RARS1: variants seen among roughly 807,000 people sequenced by gnomAD.
The protein encoded by RARS1 is arginyl-tRNA synthetase 1.
A neutral mutation model predicts 78.7 loss-of-function variants in RARS1; 75 were observed. The observed-to-expected ratio is 0.95, with a 90% CI of 0.79 to 1.15. The LOEUF (loss-of-function observed/expected upper bound fraction) is 1.15. Among genes scored for constraint, RARS1 ranks in the 50% most tolerant of loss-of-function variants. RARS1 has a pLI of 0.00. For missense variants in RARS1, 787 were observed against 787.5 expected (o/e 1.00, Z 0.01); for synonymous variants, 273 against 268.2 (o/e 1.02, Z -0.18).
rs751626841 is a variant in RARS1, at chr5:168,516,861, G to T, written c.1536G>T (p.Arg512=). The T allele has an allele frequency of 2.2e-5, 35 of 1,614,110 alleles. No individual in the cohort carries two copies. In the Admixed American group the frequency reaches 5.2e-4, roughly 24 times the overall value. ...CIKYADLSHN[R]LNDYIFSFDK... is the part of the protein sequence containing the mutation. ...AATATGCTGACCTTTCCCATAACCG[G>T]TTGAATGACTACATCTTCTCCTTTG... is the stretch of plus-strand genomic sequence containing the variant. The change falls in exon 13 of 15, where the codon CGG becomes CGT. Residue 512 remains arginine (R), a synonymous_variant. Coordinates refer to ENST00000231572, the MANE Select transcript of RARS1 (RefSeq NM_002887.4).
chr5:168,488,750 G>C lies in RARS1; in HGVS notation c.180+14G>C. 13 of 1,580,508 alleles carry C rather than the reference G, an allele frequency of 8.2e-6. No homozygotes were observed. The highest frequency in any genetic ancestry group is 1.1e-5 in the Non-Finnish European group (13 of 1,167,370). ...ATTCTTCGAAAGGTGAGTACTTTGG[G>C]TTCCAGTTTTATTCTCCAGTTTGAA... On this transcript the variant is annotated intron_variant, in intron 2 of 14. Transcript: ENST00000231572.
intron 11 of RARS1, among the ~76,000 whole-genome samples, chr5:168,508,400 A>T (rs1249201062): frequency 6.6e-6 from 1 of 151,122 alleles, no homozygotes; most frequent in Non-Finnish European, 1.5e-5. Context: ...AGGCAGGTGG[A>T]TCACGAGGTG....
At position 168,517,900 on chromosome 5, in the gene RARS1, G is replaced by C. The variant is rs2113043040; in HGVS notation, c.1711G>C (p.Glu571Gln). Residue 571 changes from glutamate (E) to glutamine (Q), a missense_variant, in exon 14 of 15, where the codon GAA becomes CAA. Coordinates refer to ENST00000231572, the MANE Select transcript of RARS1 (RefSeq NM_002887.4). ...ETKILLDHEKEWKLGRCILRF... is the reference protein window; with the variant it reads ...ETKILLDHEKQWKLGRCILRF... ...CAAGATTCTTTTGGATCATGAGAAG[G>C]AATGGAAACTAGGCCGGTGCATTTT... 6.2e-7 allele frequency: 1 copy of C among 1,613,662 alleles called. No homozygotes were observed. Among genetic ancestry groups the C allele is most frequent in the Middle Eastern group, 1.6e-4 (1 of 6,062 alleles).
chr5:168,500,615 G>A lies in RARS1; in HGVS notation c.847G>A (p.Glu283Lys). 6.3e-7 allele frequency: 1 copy of A among 1,588,104 alleles called. No homozygotes were observed. The highest frequency in any genetic ancestry group is 8.5e-7 in the Non-Finnish European group (1 of 1,169,684). The change falls in exon 8 of 15, where the codon GAG (glutamate) becomes AAG (lysine). Residue 283 changes from glutamate to lysine, a missense_variant. Transcript: ENST00000231572. The stretch of plus-strand genomic sequence containing the variant: ...GGAATCTAAGAAGAGGTTTGATACT[G>A]AGGAGGAATTTAAGAAGCGAGCATA... ...YKESKKRFDTEEEFKKRAYQC... is the reference protein window; with the variant it reads ...YKESKKRFDTKEEFKKRAYQC...
intron 12 of RARS1, among the ~76,000 whole-genome samples, chr5:168,515,573 T>C (rs998901213): frequency 1.1e-4 from 17 of 152,268 alleles, no homozygotes; most frequent in African/African-American, 3.1e-4. Context: ...GAGACCGTTA[T>C]GTTTTCTTCT....
At position 168,502,218 on chromosome 5, in the gene RARS1, A is replaced by G; in HGVS notation, c.1057+113A>G. The G allele has an allele frequency of 5.6e-6, 8 of 1,428,160 alleles. No individual in the cohort carries two copies. The South Asian group carries it at 1.3e-4, about 23-fold the overall frequency. The allele number at this position is 1,428,160 out of a possible 1,614,324, so 88.5% of individuals were successfully genotyped here. On this transcript the variant is annotated intron_variant, in intron 9 of 14. Transcript: ENST00000231572. The stretch of plus-strand genomic sequence containing the variant: ...TACTCATCATCCAATTTCAACAGTT[A>G]TGGGTACTGACCAACCTTATTGTAT...
chr5:168,513,355 T>C lies in RARS1; in HGVS notation c.1452+2669T>C, dbSNP rs978661548. The stretch of plus-strand genomic sequence containing the variant: ...TCTTTCTTAAGACAGAATCTCACTC[T>C]GTCACCCAGGCTGGAGTACAGTGGC... On this transcript the variant is annotated intron_variant, in intron 12 of 14. Coordinates refer to ENST00000231572, the MANE Select transcript of RARS1 (RefSeq NM_002887.4). Among the ~76,000 whole-genome samples the C allele has an allele frequency of 3.9e-5, 6 of 151,900 alleles. No individual in the cohort carries two copies. The East Asian group carries it at 7.7e-4, about 20-fold the overall frequency.
At chr5:168,501,912 ATAAAT>A (rs1758332878) in intron 8 of RARS1, 84 bp from the exon 9 acceptor site, 1 of 1,480,562 alleles carries the variant, frequency 6.8e-7, no homozygotes, top group South Asian at 1.4e-5. Flanking sequence ...ATTTGTATTA[ATAAAT>A]TTATTTCAAT....
chr5:168,495,393 A>T lies in RARS1; in HGVS notation c.658A>T (p.Ser220Cys). 1 of 1,614,036 alleles carries T rather than the reference A, an allele frequency of 6.2e-7. No homozygotes were observed. The highest frequency in any genetic ancestry group is 8.5e-7 in the Non-Finnish European group (1 of 1,179,944). The change falls in exon 6 of 15, where the codon AGT becomes TGT. Residue 220 changes from serine to cysteine, a missense_variant. Transcript: ENST00000231572. ...GHLRSTIIGE[S>C]ISRLFEFAGY... The stretch of plus-strand genomic sequence containing the variant: ...CCTGAGGTCAACTATCATAGGAGAG[A>T]GTATAAGCCGCCTCTTTGAATTTGC...
chr5:168,486,830 T>A (rs756197022), intron 1 of RARS1, among the ~76,000 whole-genome samples: 23 of 152,058 alleles, frequency 1.5e-4, no homozygotes, highest in Non-Finnish European at 3.4e-4. Context: ...TTCAGAACAG[T>A]TCTCTCCCTA....
rs1363863278 is a variant in RARS1 at position 168,492,812 on chromosome 5, G to T, written c.334G>T (p.Asp112Tyr). 6.2e-7 allele frequency: 1 copy of T among 1,613,720 alleles called. No individual in the cohort carries two copies. The highest frequency in any genetic ancestry group is 8.5e-7 in the Non-Finnish European group (1 of 1,179,684). The change falls in exon 3 of 15, where the codon GAC becomes TAC. Residue 112 changes from aspartate to tyrosine, a missense_variant. Coordinates refer to ENST00000231572, the MANE Select transcript of RARS1 (RefSeq NM_002887.4). Reference sequence around the variant, plus strand: ...ACCAAGTCAGCAGGCCAAGTTTGGGGACTATCAGTGTAATAGTGCTATGGG... The same window carrying T: ...ACCAAGTCAGCAGGCCAAGTTTGGGTACTATCAGTGTAATAGTGCTATGGG... Reference protein sequence around the residue: ...VTPSQQAKFGDYQCNSAMGIS... With the variant: ...VTPSQQAKFGYYQCNSAMGIS...
chr5:168,509,363 A>T (rs1758516832), intron 11 of RARS1, among the ~76,000 whole-genome samples: 1 of 151,972 alleles, frequency 6.6e-6, no homozygotes, highest in Non-Finnish European at 1.5e-5. Context: ...TTTAACAGAA[A>T]GTAGCACATT....
intron 2 of RARS1, among the ~76,000 whole-genome samples, chr5:168,491,770 T>A (rs1758090070): frequency 6.6e-6 from 1 of 152,242 alleles, no homozygotes; most frequent in Admixed American, 6.5e-5. Context: ...AATCTTTGCA[T>A]ACTCAAGTAT....
intron 3 of RARS1, 42 bp downstream of exon 3, chr5:168,492,889 GTAT>G (rs1301664756): frequency 1.1e-5 from 16 of 1,437,298 alleles, no homozygotes; most frequent in East Asian, 2.3e-5. Flanking sequence ...ATTTTTTTAA[GTAT>G]TATTATCATC....
intron 9 of RARS1, among the ~76,000 whole-genome samples, chr5:168,502,493 G>A (rs1229277776): frequency 7.1e-6 from 1 of 139,936 alleles, no homozygotes; most frequent in African/African-American, 2.7e-5. Context: ...TTATAGACAT[G>A]AACTACCATA....
At chr5:168,497,673 C>G (rs1758226830) in intron 7 of RARS1, among the ~76,000 whole-genome samples, 1 of 151,480 alleles carries the variant, frequency 6.6e-6, no homozygotes, top group Admixed American at 6.6e-5. Flanking sequence ...AATTGATAAA[C>G]ATATAAAATT....
At chr5:168,497,382 T>C (rs1339378858) in intron 7 of RARS1, 34 bp downstream of exon 7, 3 of 1,446,042 alleles carry the variant, frequency 2.1e-6, no homozygotes, top group South Asian at 3.0e-5. Context: ...TATGTGTGTG[T>C]TTACCATTAA....
At chr5:168,491,554 T>TA (rs1190016332) in intron 2 of RARS1, among the ~76,000 whole-genome samples, 2 of 152,136 alleles carry the variant, frequency 1.3e-5, no homozygotes, top group Non-Finnish European at 2.9e-5. Flanking sequence ...CTTCATATGA[T>TA]AGAGAGGGCT....
chr5:168,512,088 C>T (rs182247084), intron 12 of RARS1, among the ~76,000 whole-genome samples: 219 of 152,146 alleles, frequency 1.4e-3, no homozygotes, highest in Non-Finnish European at 2.7e-3. Flanking sequence ...TGGGCTCAAG[C>T]GATCCACTCA....
Sources: allele counts gnomAD v4.1 joint callset (sites outside exome capture counted in the v4.1 genomes callset), GRCh38; gene constraint gnomAD v4.1.1; transcripts MANE v1.5; gene names NCBI Gene and HGNC (gene_info 2026-07-23, HGNC 2026-07-21).